ARHGAP21: variants seen among roughly 807,000 people sequenced by gnomAD.
ARHGAP21 encodes rho GTPase-activating protein 21.
ARHGAP21 carries 38 observed loss-of-function variants against 164.6 expected under a neutral mutation model. The observed-to-expected ratio is 0.23, with a 90% CI of 0.18 to 0.30. The LOEUF (loss-of-function observed/expected upper bound fraction) is 0.30. Ranked by LOEUF, ARHGAP21 falls within the 10% of genes least tolerant of loss-of-function variation. The pLI, the probability that ARHGAP21 is intolerant of heterozygous loss-of-function variation, is 1.00. For synonymous variants in ARHGAP21, 766 were observed against 857.9 expected, an observed-to-expected ratio of 0.89 and a Z score of 1.87; for missense variants, 1,822 against 2,370.7, an observed-to-expected ratio of 0.77 and a Z score of 4.81.
intron 11 of ARHGAP21, among the ~76,000 whole-genome samples, chr10:24,606,761 A>C (rs1186638081): frequency 1.3e-5 from 2 of 152,174 alleles, no homozygotes; most frequent in African/African-American, 4.8e-5. Context: ...GAATCGCTTG[A>C]ACCCGGGAGG....
chr10:24,646,632 C>A (rs1837601354), intron 4 of ARHGAP21, among the ~76,000 whole-genome samples: 1 of 151,826 alleles, frequency 6.6e-6, no homozygotes, highest in Non-Finnish European at 1.5e-5. Context: ...AAAAATGGCT[C>A]AGCATGGTAG....
chr10:24,607,954 T>C, intron 9 of ARHGAP21, 51 bp from the exon 10 acceptor site: 1 of 1,505,542 alleles, frequency 6.6e-7, no homozygotes, highest in Non-Finnish European at 8.9e-7. Flanking sequence ...TTGTTATTAA[T>C]AATAAAACTC....
intron 2 of ARHGAP21, among the ~76,000 whole-genome samples, chr10:24,681,148 A>T (rs1841720693): frequency 6.6e-6 from 1 of 152,372 alleles, no homozygotes; most frequent in Admixed American, 6.5e-5. Flanking sequence ...AAAACCTCAC[A>T]TAAGGGAATG....
At position 24,589,117 on chromosome 10, in the gene ARHGAP21, TTATCA is replaced by T. The variant is rs369765679; in HGVS notation, c.4182+149_4182+153del. Among the ~76,000 whole-genome samples the T allele has an allele frequency of 1.2e-3, 178 of 152,316 alleles. 5 individuals are homozygous for T. In the East Asian group the frequency reaches 0.027, roughly 23 times the overall value. On this transcript the variant is annotated intron_variant, in intron 25 of 25. Transcript: ENST00000396432. ...TCCAACTCAAAATCTAGTATTCTTC[TTATCA>T]TATATTGTTTTAGGAATTAATTTTT...
intron 2 of ARHGAP21, among the ~76,000 whole-genome samples, chr10:24,683,095 CAAAAAAAAAAAA>C (rs200968718): frequency 1.1e-5 from 1 of 89,002 alleles, no homozygotes; most frequent in East Asian, 6.2e-4. Context: ...AACTCCATCT[CAAAAAAAAAAAA>C]AAAAAAAAGA....
At position 24,583,753 on chromosome 10, in the gene ARHGAP21, C is replaced by T. The variant is rs2075988229; in HGVS notation, c.*659G>A. ...AGTTCCATCCAGGATCCACTATCTA[C>T]ACACCTATGTTACAACATTATATCA... is the stretch of plus-strand genomic sequence containing the variant. On this transcript the variant is annotated 3_prime_UTR_variant, in exon 26 of 26. Coordinates refer to ENST00000396432, the MANE Select transcript of ARHGAP21 (RefSeq NM_020824.4). 6.6e-6 allele frequency: 1 copy of T among 152,628 alleles called. No homozygotes were observed. Among genetic ancestry groups the T allele is most frequent in the Non-Finnish European group, 1.5e-5 (1 of 68,040 alleles). The allele number at this position is 152,628 out of a possible 1,614,324, so 9.5% of individuals were successfully genotyped here.
intron 9 of ARHGAP21, among the ~76,000 whole-genome samples, chr10:24,612,682 G>A (rs569693811): frequency 9.9e-5 from 15 of 152,004 alleles, no homozygotes; most frequent in South Asian, 4.2e-4. Flanking sequence ...GTGAAACCCC[G>A]TCTCTACTAA....
At chr10:24,683,958 T>C (rs1270080933) in intron 2 of ARHGAP21, among the ~76,000 whole-genome samples, 1 of 152,200 alleles carries the variant, frequency 6.6e-6, no homozygotes, top group Non-Finnish European at 1.5e-5. Flanking sequence ...AATTTGCATA[T>C]GCTACATACA....
intron 2 of ARHGAP21, among the ~76,000 whole-genome samples, chr10:24,671,868 G>C (rs940325660): frequency 1.4e-5 from 2 of 146,636 alleles, no homozygotes; most frequent in Admixed American, 1.4e-4. Flanking sequence ...GACTACAGGT[G>C]AATGTCATCA....
chr10:24,693,032 G>C (rs1386598306), intron 2 of ARHGAP21, among the ~76,000 whole-genome samples: 1 of 151,854 alleles, frequency 6.6e-6, no homozygotes, highest in Non-Finnish European at 1.5e-5. Context: ...AGTTCAAATA[G>C]GCAAAACCAC....
At chr10:24,691,530 T>C (rs1341860196) in intron 2 of ARHGAP21, among the ~76,000 whole-genome samples, 1 of 152,232 alleles carries the variant, frequency 6.6e-6, no homozygotes, top group East Asian at 1.9e-4. Context: ...AAAGTTATGA[T>C]TAAATATCAA....
At chr10:24,697,720 C>T (rs1484115256) in intron 2 of ARHGAP21, among the ~76,000 whole-genome samples, 4 of 151,896 alleles carry the variant, frequency 2.6e-5, no homozygotes, top group Non-Finnish European at 5.9e-5. Flanking sequence ...ATTAGCCGGG[C>T]ATGGTGGTGT....
chr10:24,620,862 A>G lies in ARHGAP21; in HGVS notation c.1033T>C (p.Leu345=). The G allele has an allele frequency of 6.2e-7, 1 of 1,613,986 alleles. No homozygotes were observed. Among genetic ancestry groups the G allele is most frequent in the African/African-American group, 1.3e-5 (1 of 75,042 alleles). The change falls in exon 9 of 26, where the codon TTA becomes CTA. Residue 345 remains leucine, a synonymous_variant. Coordinates refer to ENST00000396432, the MANE Select transcript of ARHGAP21 (RefSeq NM_020824.4). ...GSRSLEPSGI[L]LKSGNYSGHS... is the part of the protein sequence containing the mutation. ...CCACTGTAATTTCCAGACTTAAGTAAAATTCCAGAAGGTTCCAGTGATCTG... is the reference window on the plus strand; with the variant it reads ...CCACTGTAATTTCCAGACTTAAGTAGAATTCCAGAAGGTTCCAGTGATCTG...
chr10:24,704,809 T>C (rs1277944560), intron 2 of ARHGAP21, among the ~76,000 whole-genome samples: 2 of 152,136 alleles, frequency 1.3e-5, no homozygotes, highest in Admixed American at 1.3e-4. Context: ...TTTCTCCATG[T>C]TGGCCAGGCT....
At chr10:24,680,578 G>C (rs1341959436) in intron 2 of ARHGAP21, among the ~76,000 whole-genome samples, 2 of 152,140 alleles carry the variant, frequency 1.3e-5, no homozygotes, top group East Asian at 3.8e-4. Flanking sequence ...TTCTGAATGT[G>C]ACATAGCTCA....
At position 24,654,841 on chromosome 10, in the gene ARHGAP21, G is replaced by GA. The variant is rs199941563; in HGVS notation, c.268+12143dup. ...ATCCTAAGCCAAAAGAACAAGGCTG[G>GA]AGGCATCACACTACCTGACTTCAAA... On this transcript the variant is annotated intron_variant, in intron 4 of 25. Coordinates refer to ENST00000396432, the MANE Select transcript of ARHGAP21 (RefSeq NM_020824.4). Among the ~76,000 whole-genome samples the GA allele has an allele frequency of 1.5e-3, 231 of 152,286 alleles. 5 individuals carry two copies. The East Asian group carries it at 0.038, about 25-fold the overall frequency.
rs75302060 is a variant in ARHGAP21 at position 24,614,411 on chromosome 10, T to G, written c.2422+5062A>C. 2.2e-4 allele frequency among the ~76,000 whole-genome samples: 33 copies of G among 152,300 alleles called. No individual in the cohort carries two copies. The East Asian group carries it at 6.0e-3, about 28-fold the overall frequency. On this transcript the variant is annotated intron_variant, in intron 9 of 25. Transcript: ENST00000396432. Reference sequence around the variant, plus strand: ...AAACCAGGCATTTGTTAGGGGGCTTTTGAGATTTGGGTCTATTTTCAACAT... The same window carrying G: ...AAACCAGGCATTTGTTAGGGGGCTTGTGAGATTTGGGTCTATTTTCAACAT...
At chr10:24,670,182 G>GT (rs534516359) in intron 3 of ARHGAP21, 36 bp downstream of exon 3, 2,698 of 1,413,392 alleles carry the variant, frequency 1.9e-3, no homozygotes, top group South Asian at 3.9e-3. Context: ...TGGCCTTGTG[G>GT]TTTTTTTTTC....
intron 1 of ARHGAP21, chr10:24,722,755 G>T (rs934659757): frequency 5.9e-5 from 9 of 151,942 alleles, no homozygotes; most frequent in African/African-American, 1.9e-4. Flanking sequence ...GGGTGACTCG[G>T]GCGCCGCCCC....
Sources: allele counts gnomAD v4.1 joint callset (sites outside exome capture counted in the v4.1 genomes callset), GRCh38; gene constraint gnomAD v4.1.1; transcripts MANE v1.5; gene names NCBI Gene and HGNC (gene_info 2026-07-23, HGNC 2026-07-21).